The following SLC16A2 variants were observed in gnomAD, a reference collection of about 807,000 sequenced individuals.
SLC16A2 encodes solute carrier family 16 member 2, also known as monocarboxylate transporter 8.
SLC16A2 carries 3 observed loss-of-function variants against 27.2 expected under a neutral mutation model. That is an observed-to-expected ratio of 0.11 (90% CI 0.05 to 0.28). The LOEUF is 0.28. Among genes scored for constraint, SLC16A2 ranks in the 10% least tolerant of loss-of-function variants. The pLI is 1.00. For missense variants in SLC16A2, 295 were observed against 458.5 expected, an observed-to-expected ratio of 0.64 and a Z score of 3.26; for synonymous variants, 202 against 187.8, an observed-to-expected ratio of 1.08 and a Z score of -0.62.
intron 1 of SLC16A2, among the ~76,000 whole-genome samples, chrX:74,435,537 G>A (rs56845184): frequency 0.24 from 19,638 of 80,684 alleles, 2,784 homozygotes; most frequent in African/African-American, 0.47. Flanking sequence ...ATATATATAT[G>A]TATATATATA....
intron 1 of SLC16A2, chrX:74,473,920 G>C (rs745812630): frequency 2.4e-6 from 1 of 421,785 alleles, no homozygotes; most frequent in Non-Finnish European, 4.3e-6. Flanking sequence ...TTCCTCAGCT[G>C]TTCGGGCCCT....
chrX:74,525,542 T>C (rs942823569), intron 3 of SLC16A2, among the ~76,000 whole-genome samples: 2 of 111,608 alleles, frequency 1.8e-5, no homozygotes, highest in African/African-American at 6.5e-5. Flanking sequence ...GTACCCACCC[T>C]CCTTAGCTGT....
intron 2 of SLC16A2, among the ~76,000 whole-genome samples, chrX:74,521,703 T>C (rs1352488950): frequency 8.9e-6 from 1 of 112,352 alleles, no homozygotes; most frequent in Non-Finnish European, 1.9e-5. Flanking sequence ...TTTCTGACTC[T>C]TTTCCAGATA....
chrX:74,483,722 G>A (rs1299162821), intron 1 of SLC16A2, among the ~76,000 whole-genome samples: 1 of 111,391 alleles, frequency 9.0e-6, no homozygotes, highest in Non-Finnish European at 1.9e-5. Context: ...TATGAGCAGG[G>A]TGCTGGGCAG....
chrX:74,426,264 G>A (rs1225775683), intron 1 of SLC16A2, among the ~76,000 whole-genome samples: 1 of 112,284 alleles, frequency 8.9e-6, no homozygotes, highest in Non-Finnish European at 1.9e-5. Context: ...CTTAGCGCCT[G>A]CTGTGGTGCT....
At chrX:74,483,818 G>C (rs756341979) in intron 1 of SLC16A2, among the ~76,000 whole-genome samples, 9 of 111,404 alleles carry the variant, frequency 8.1e-5, no homozygotes, top group Non-Finnish European at 1.7e-4. Context: ...AGTGATCAGA[G>C]ATACAGTATT....
intron 1 of SLC16A2, among the ~76,000 whole-genome samples, chrX:74,430,128 G>A (rs187734944): frequency 1.4e-3 from 152 of 112,363 alleles, no homozygotes; most frequent in East Asian, 5.3e-3. Flanking sequence ...AAGTCTGTGC[G>A]AGGCACTATA....
At chrX:74,429,154 CA>C (rs749030565) in intron 1 of SLC16A2, among the ~76,000 whole-genome samples, 92 of 110,203 alleles carry the variant, frequency 8.3e-4, no homozygotes, top group Admixed American at 1.7e-3. Context: ...GCACCTGTCT[CA>C]AAAACAAAAA....
chrX:74,440,920 G>C (rs777528746), intron 1 of SLC16A2, among the ~76,000 whole-genome samples: 3 of 110,253 alleles, frequency 2.7e-5, no homozygotes, highest in Non-Finnish European at 5.7e-5. Flanking sequence ...TCACATAGAC[G>C]ACCACTTTAT....
chrX:74,531,802 C>T lies in SLC16A2; in HGVS notation c.*249C>T. The T allele has an allele frequency of 2.3e-6, 1 of 431,891 alleles. No homozygotes were observed. Among genetic ancestry groups the T allele is most frequent in the Non-Finnish European group, 4.1e-6 (1 of 245,741 alleles). The allele number at this position is 431,891 out of a possible 1,213,427, so 35.6% of individuals were successfully genotyped here. On this transcript the variant is annotated 3_prime_UTR_variant, in exon 6 of 6. Coordinates refer to ENST00000587091, the MANE Select transcript of SLC16A2 (RefSeq NM_006517.5). Reference sequence around the variant, plus strand: ...ATCTGGGAAAGCTTGGGAACCACCCCTGGCCTTTGGAACCTCTCCATATAC... The same window carrying T: ...ATCTGGGAAAGCTTGGGAACCACCCTTGGCCTTTGGAACCTCTCCATATAC...
At chrX:74,440,522 C>CTT (rs34468845) in intron 1 of SLC16A2, among the ~76,000 whole-genome samples, 37 of 69,998 alleles carry the variant, frequency 5.3e-4, no homozygotes, top group Non-Finnish European at 7.2e-4. Flanking sequence ...ATATAAATTC[C>CTT]TTTTTTTTTT....
In SLC16A2 at chrX:74,529,435, A is replaced by G; in HGVS notation, c.1393A>G (p.Ile465Val). 1.7e-6 allele frequency: 2 copies of G among 1,164,882 alleles called. No homozygotes were observed. Among genetic ancestry groups the G allele is most frequent in the Non-Finnish European group, 2.3e-6 (2 of 867,741 alleles). The change falls in exon 5 of 6, where the codon ATT becomes GTT. Residue 465 changes from isoleucine (I) to valine (V), a missense_variant. Ile to Val is a conservative substitution (Grantham distance 29). Coordinates refer to ENST00000587091, the MANE Select transcript of SLC16A2 (RefSeq NM_006517.5). ...MALPMIAGPPIAGLLRNCFGD... is the reference protein window; with the variant it reads ...MALPMIAGPPVAGLLRNCFGD... ...CCTGCCAATGATTGCTGGGCCCCCC[A>G]TTGCAGGTGAGGCTGATATTCCAGG...
At position 74,524,788 on chromosome X, in the gene SLC16A2, C is replaced by T; in HGVS notation, c.1005C>T (p.Tyr335=). Reference sequence around the variant, plus strand: ...GAATTGCTGCTGCTGCCCTTGGCTACTTTGTTCCCTATGTACACCTGGTGA... The same window carrying T: ...GAATTGCTGCTGCTGCCCTTGGCTATTTTGTTCCCTATGTACACCTGGTGA... ...AFGIAAAALG[Y]FVPYVHLMKY... is the part of the protein sequence containing the mutation. The change falls in exon 3 of 6, where the codon TAC becomes TAT. Residue 335 remains tyrosine, a synonymous_variant. Coordinates refer to ENST00000587091, the MANE Select transcript of SLC16A2 (RefSeq NM_006517.5). 1 of 1,210,206 alleles carries T rather than the reference C, an allele frequency of 8.3e-7. No homozygotes were observed. The highest frequency in any genetic ancestry group is 1.1e-6 in the Non-Finnish European group (1 of 895,364).
intron 1 of SLC16A2, among the ~76,000 whole-genome samples, chrX:74,490,029 A>T (rs1405742408): frequency 9.8e-6 from 1 of 102,481 alleles, no homozygotes; most frequent in Non-Finnish European, 2.0e-5. Context: ...TATGGCTTTT[A>T]CTTCAGAACT....
Position 74,474,916 on chromosome X carries a change from T to G in SLC16A2, c.431-46074T>G, listed in dbSNP as rs1382895779. Reference sequence around the variant, plus strand: ...TGGGTTGGTTCCAAGTCTTTGCTATTGTGAATAGTGCCGCAATAACCATAC... The same window carrying G: ...TGGGTTGGTTCCAAGTCTTTGCTATGGTGAATAGTGCCGCAATAACCATAC... On this transcript the variant is annotated intron_variant, in intron 1 of 5. Coordinates refer to ENST00000587091, the MANE Select transcript of SLC16A2 (RefSeq NM_006517.5). Among the ~76,000 whole-genome samples the G allele has an allele frequency of 2.4e-4, 27 of 110,844 alleles. 1 individual carries two copies. Among genetic ancestry groups the G allele is most frequent in the East Asian group, 2.0e-3 (7 of 3,576 alleles).
At chrX:74,429,304 C>T (rs1175806499) in intron 1 of SLC16A2, among the ~76,000 whole-genome samples, 1 of 110,653 alleles carries the variant, frequency 9.0e-6, no homozygotes, top group Non-Finnish European at 1.9e-5. Flanking sequence ...CCCGTCTCTA[C>T]AAAAAAAATT....
In SLC16A2 at chrX:74,524,368, C is replaced by T; in HGVS notation, c.585C>T (p.Ser195=). 8.3e-7 allele frequency: 1 copy of T among 1,211,421 alleles called. No individual in the cohort carries two copies. The highest frequency in any genetic ancestry group is 1.1e-6 in the Non-Finnish European group (1 of 895,410). The part of the protein sequence containing the change: ...LHTSSFTSSL[S]LRYFTYGILF... ...GGTATTTCTCCCACAGCTCCCTAAG[C>T]CTGCGCTACTTCACCTACGGGATTC... The change falls in exon 3 of 6, where the codon AGC becomes AGT. Residue 195 remains serine (S), a synonymous_variant. Transcript: ENST00000587091.
At chrX:74,481,302 C>A (rs188231185) in intron 1 of SLC16A2, among the ~76,000 whole-genome samples, 1 of 111,682 alleles carries the variant, frequency 9.0e-6, no homozygotes, top group Non-Finnish European at 1.9e-5. Context: ...TCTAAATATT[C>A]GGTAAAATTC....
intron 1 of SLC16A2, among the ~76,000 whole-genome samples, chrX:74,461,586 G>A (rs1216152178): frequency 9.0e-6 from 1 of 111,250 alleles, no homozygotes; most frequent in African/African-American, 3.3e-5. Flanking sequence ...TCCCTCACAC[G>A]CAGTGCTAGG....
Sources: gnomAD v4.1 joint callset for allele counts (sites outside exome capture counted in the v4.1 genomes callset) on GRCh38, gnomAD v4.1.1 for gene constraint, MANE v1.5 for transcripts, NCBI Gene and HGNC (gene_info 2026-07-23, HGNC 2026-07-21) for gene names.